Variants in SRRM1 observed in about 807,000 individuals in gnomAD.
SRRM1 encodes the protein serine/arginine repetitive matrix protein 1.
SRRM1 carries 19 observed loss-of-function variants against 110.2 expected under a neutral mutation model. The ratio of observed to expected loss-of-function variants is 0.17; its 90% CI spans 0.12 to 0.25. The LOEUF (loss-of-function observed/expected upper bound fraction) is 0.25, where lower values mean the gene tolerates loss of function less well. Among genes scored for constraint, SRRM1 ranks in the 10% least tolerant of loss-of-function variants. The probability of loss-of-function intolerance (pLI) is 1.00; values close to 1 mark genes in which losing one functional copy is unlikely to be tolerated. For synonymous variants in SRRM1, 443 were observed against 414.9 expected (o/e 1.07, Z -0.82); for missense variants, 918 against 1,145.8 (o/e 0.80, Z 2.87).
At chr1:24,643,492 C>CCA (rs1557634436) in intron 1 of SRRM1, 145 bp downstream of exon 1, 3 of 578,368 alleles carry the variant, frequency 5.2e-6, no homozygotes. Flanking sequence ...ACCCCCCCCC[C>CCA]CCCCGTGCGC....
At chr1:24,667,965 CTTTTTTTTTTTT>C (rs1038405035) in intron 13 of SRRM1, among the ~76,000 whole-genome samples, 2 of 68,514 alleles carry the variant, frequency 2.9e-5, no homozygotes, top group African/African-American at 6.9e-5. Context: ...TGCTGCCACT[CTTTTTTTTTTTT>C]TTTTTTTTTT....
rs371622513 is a variant in SRRM1, at chr1:24,643,304, C to T, written c.-23C>T. 329 of 1,564,824 alleles carry T rather than the reference C, an allele frequency of 2.1e-4. No individual in the cohort carries two copies. Among genetic ancestry groups the T allele is most frequent in the Non-Finnish European group, 2.6e-4 (300 of 1,159,766 alleles). On this transcript the variant is annotated 5_prime_UTR_variant, in exon 1 of 17. Transcript: ENST00000323848. ...GCGCGGTGTACCCTGGGATAGGGAG[C>T]GATCTCCGAGCGAGGCGGCAAGATG...
At position 24,660,699 on chromosome 1, in the gene SRRM1, C is replaced by G. The variant is rs1342597602; in HGVS notation, c.1316-20C>G. The G allele has an allele frequency of 7.0e-7, 1 of 1,424,386 alleles. No homozygotes were observed. Among genetic ancestry groups the G allele is most frequent in the Non-Finnish European group, 9.5e-7 (1 of 1,050,318 alleles). 88.2% of individuals were successfully genotyped at this position (1,424,386 alleles called of 1,614,324 possible). ...CCTTTTTTTGTACGTAAGCTTTTTT[C>G]CACTCTTATTCTTTTTTAGTGACAA... On this transcript the variant is annotated intron_variant, in intron 9 of 16. Transcript: ENST00000323848.
intron 12 of SRRM1, among the ~76,000 whole-genome samples, chr1:24,666,111 T>C (rs938825133): frequency 2.0e-5 from 3 of 152,194 alleles, no homozygotes; most frequent in African/African-American, 7.2e-5. Context: ...CCAGACCTGG[T>C]AGGCATAAAT....
chr1:24,651,925 G>A (rs907731923), intron 6 of SRRM1, among the ~76,000 whole-genome samples: 1 of 149,734 alleles, frequency 6.7e-6, no homozygotes, highest in African/African-American at 2.5e-5. Flanking sequence ...GGGGGTGCAT[G>A]CCTGTAATCT....
intron 6 of SRRM1, among the ~76,000 whole-genome samples, chr1:24,652,029 A>AATATATATGTATATATATATATAT (rs1661027992): frequency 7.5e-5 from 6 of 79,846 alleles, no homozygotes; most frequent in Non-Finnish European, 1.5e-4. Context: ...CTGTACTAAA[A>AATATATATGTATATATATATATAT]ATATATATAT....
At chr1:24,663,235 C>G in intron 12 of SRRM1, 1 of 1,498,512 alleles carries the variant, frequency 6.7e-7, no homozygotes, top group Non-Finnish European at 9.0e-7. Flanking sequence ...GTTGGTTAGA[C>G]ACTACTTTGT....
intron 8 of SRRM1, chr1:24,654,356 G>T: frequency 7.8e-7 from 1 of 1,289,560 alleles, no homozygotes; most frequent in Non-Finnish European, 1.0e-6. Flanking sequence ...ACACATAATT[G>T]CAACAGAACT....
intron 7 of SRRM1, 125 bp downstream of exon 7, chr1:24,652,753 A>T (rs769233718): frequency 7.7e-7 from 1 of 1,292,152 alleles, no homozygotes; most frequent in East Asian, 2.5e-5. Context: ...GAATGTACAC[A>T]GAGAATTTGA....
intron 15 of SRRM1, among the ~76,000 whole-genome samples, chr1:24,670,734 G>A (rs1172044275): frequency 6.6e-6 from 1 of 152,236 alleles, no homozygotes; most frequent in Non-Finnish European, 1.5e-5. Context: ...CTAGCCTCCA[G>A]TGATCCTCCT....
chr1:24,663,813 G>C (rs939282783), intron 12 of SRRM1, among the ~76,000 whole-genome samples: 2 of 150,874 alleles, frequency 1.3e-5, no homozygotes, highest in East Asian at 2.0e-4. Context: ...GGAGGCGGAG[G>C]TTGCAATGAG....
At chr1:24,663,136 T>A in intron 12 of SRRM1, 1 of 1,474,944 alleles carries the variant, frequency 6.8e-7, no homozygotes, top group Non-Finnish European at 9.1e-7. Flanking sequence ...AAGTAAATAA[T>A]TTAGTGAATG....
Position 24,654,997 on chromosome 1 carries a change from C to T in SRRM1, c.1183C>T (p.Pro395Ser), listed in dbSNP as rs1319990298. 1.2e-6 allele frequency: 2 copies of T among 1,614,254 alleles called. No homozygotes were observed. Among genetic ancestry groups the T allele is most frequent in the South Asian group, 1.1e-5 (1 of 91,090 alleles). The change falls in exon 9 of 17, where the codon CCA (proline) becomes TCA (serine). Residue 395 changes from proline to serine, a missense_variant. By Grantham distance (74) the Pro-to-Ser change is moderately conservative. Around this residue, in one of 5 missense-constraint regions of SRRM1, gnomAD observed 456 missense variants for 453.5 expected, o/e 1.01. Coordinates refer to ENST00000323848, the MANE Select transcript of SRRM1 (RefSeq NM_005839.4). ...TAGGTTATCTCCTTCAGCAAGTCCT[C>T]CAAGGCGAAGGCACAGGCCATCACC... is the stretch of plus-strand genomic sequence containing the variant. ...TRRLSPSASP[P>S]RRRHRPSPPA...
In SRRM1 at chr1:24,652,419, C is replaced by G. The variant is rs772438167; in HGVS notation, c.726-15C>G. 14 of 1,358,392 alleles carry G rather than the reference C, an allele frequency of 1.0e-5. No individual in the cohort carries two copies. The highest frequency in any genetic ancestry group is 1.7e-5 in the South Asian group (1 of 58,192). The allele number at this position is 1,358,392 out of a possible 1,614,324, so 84.1% of individuals were successfully genotyped here. The stretch of plus-strand genomic sequence containing the variant: ...AAGAAGGCAAAAAAAAAAAAAAAAG[C>G]TTTTGTTTCCACAGTGACATTCTGA... On this transcript the variant is annotated splice_polypyrimidine_tract_variant and intron_variant, in intron 6 of 16. Transcript: ENST00000323848.
At chr1:24,651,989 G>A (rs1660953821) in intron 6 of SRRM1, among the ~76,000 whole-genome samples, 1 of 142,030 alleles carries the variant, frequency 7.0e-6, no homozygotes, top group Non-Finnish European at 1.5e-5. Flanking sequence ...AAGTTAGAGA[G>A]CAGCCTGGGG....
Position 24,652,696 on chromosome 1 carries a change from A to G in SRRM1, c.920+68A>G, listed in dbSNP as rs1661678296. On this transcript the variant is annotated intron_variant, in intron 7 of 16. Coordinates refer to ENST00000323848, the MANE Select transcript of SRRM1 (RefSeq NM_005839.4). Reference sequence around the variant, plus strand: ...ATACTACTCTACTGGGTACAATTAGATAAATAATTTCAAAGTGGTAGAAGA... The same window carrying G: ...ATACTACTCTACTGGGTACAATTAGGTAAATAATTTCAAAGTGGTAGAAGA... 14 of 1,424,504 alleles carry G rather than the reference A, an allele frequency of 9.8e-6. No homozygotes were observed. The highest frequency in any genetic ancestry group is 1.9e-4 in the Middle Eastern group (1 of 5,256). The allele number at this position is 1,424,504 out of a possible 1,614,324, so 88.2% of individuals were successfully genotyped here. A position where few individuals can be genotyped will look rare whatever the true frequency, so the allele number is the denominator to read the frequency against.
chr1:24,669,231 A>G lies in SRRM1; in HGVS notation c.1848A>G (p.Ser616=), dbSNP rs771350179. 1.2e-6 allele frequency: 2 copies of G among 1,613,858 alleles called. No homozygotes were observed. Among genetic ancestry groups the G allele is most frequent in the East Asian group, 2.2e-5 (1 of 44,866 alleles). Residue 616 remains serine (S), a synonymous_variant, in exon 14 of 17, where the codon TCA becomes TCG. Transcript: ENST00000323848. The part of the protein sequence containing the change: ...PSPPPKRRTA[S]PPPPPKRRAS... ...CACCTCCAAAGAGAAGAACGGCTTC[A>G]CCTCCTCCCCCTCCTAAACGAAGAG...
At chr1:24,654,770 CTG>C in intron 8 of SRRM1, 83 bp from the exon 9 acceptor site, 1 of 1,490,954 alleles carries the variant, frequency 6.7e-7, no homozygotes, top group East Asian at 2.3e-5. Flanking sequence ...ATTAAAATAG[CTG>C]TATTTTTGTG....
Position 24,651,454 on chromosome 1 carries a change from C to G in SRRM1, c.567C>G (p.Val189=). ...CCCCTAGAAGACGATCTTCCCCTGTCAGGAGAGAGAGAAAGCGCAGTCATT... is the reference window on the plus strand; with the variant it reads ...CCCCTAGAAGACGATCTTCCCCTGTGAGGAGAGAGAGAAAGCGCAGTCATT... ...SPSPRRRSSP[V]RRERKRSHSR... is the part of the protein sequence containing the mutation. Residue 189 remains valine, a synonymous_variant, in exon 6 of 17, where the codon GTC becomes GTG. Transcript: ENST00000323848. The G allele has an allele frequency of 6.2e-7, 1 of 1,614,162 alleles. No individual in the cohort carries two copies. The highest frequency in any genetic ancestry group is 8.5e-7 in the Non-Finnish European group (1 of 1,180,020).
Sources: allele counts gnomAD v4.1 joint callset (sites outside exome capture counted in the v4.1 genomes callset), GRCh38; gene constraint gnomAD v4.1.1; regional missense constraint gnomAD v4.1.1; transcripts MANE v1.5; gene names NCBI Gene and HGNC (gene_info 2026-07-23, HGNC 2026-07-21).